Variants in TMPRSS15 observed in about 807,000 individuals in gnomAD.
TMPRSS15 encodes transmembrane serine protease 15, also known as enteropeptidase.
TMPRSS15 carries 128 observed loss-of-function variants against 125.3 expected under a neutral mutation model. The observed-to-expected ratio is 1.02, with a 90% CI of 0.89 to 1.18. TMPRSS15 has a LOEUF of 1.18. Among genes scored for constraint, TMPRSS15 ranks in the 50% most tolerant of loss-of-function variants. The pLI is 0.00. For missense variants in TMPRSS15, 1,283 were observed against 1,212.7 expected, an observed-to-expected ratio of 1.06 and a Z score of -0.86; for synonymous variants, 446 against 423.2, an observed-to-expected ratio of 1.05 and a Z score of -0.66.
chr21:18,388,357 A>G (rs1432324667), intron 3 of TMPRSS15, among the ~76,000 whole-genome samples: 2 of 152,204 alleles, frequency 1.3e-5, no homozygotes, highest in African/African-American at 4.8e-5. Context: ...TGATTTTGTC[A>G]TCTAGAGAAA....
intron 1 of TMPRSS15, among the ~76,000 whole-genome samples, chr21:18,433,232 A>G (rs2076220072): frequency 6.6e-6 from 1 of 152,184 alleles, no homozygotes; most frequent in African/African-American, 2.4e-5. Flanking sequence ...CAAAAGATGG[A>G]AAAGAATGGC....
At chr21:18,429,140 TG>T (rs2076210846) in intron 1 of TMPRSS15, among the ~76,000 whole-genome samples, 1 of 152,182 alleles carries the variant, frequency 6.6e-6, no homozygotes, top group Non-Finnish European at 1.5e-5. Flanking sequence ...CAGACTAGCA[TG>T]GGCCCCCTAA....
intron 3 of TMPRSS15, among the ~76,000 whole-genome samples, chr21:18,395,944 A>G (rs927297847): frequency 1.3e-5 from 2 of 152,186 alleles, no homozygotes; most frequent in Non-Finnish European, 2.9e-5. Context: ...GAGCTTGTAC[A>G]TTGTGCTTTC....
chr21:18,470,810 C>T (rs1416008312), intron 1 of TMPRSS15, among the ~76,000 whole-genome samples: 2 of 151,800 alleles, frequency 1.3e-5, no homozygotes, highest in African/African-American at 4.8e-5. Context: ...AACAAGAGAG[C>T]CTCAAAATAT....
chr21:18,410,781 A>T (rs1029699691), intron 1 of TMPRSS15, among the ~76,000 whole-genome samples: 1 of 152,128 alleles, frequency 6.6e-6, no homozygotes, highest in South Asian at 2.1e-4. Flanking sequence ...TTTAAGCTTC[A>T]GCTCCACTCA....
At chr21:18,302,039 C>T (rs975837877) in intron 18 of TMPRSS15, among the ~76,000 whole-genome samples, 1 of 152,196 alleles carries the variant, frequency 6.6e-6, no homozygotes, top group African/African-American at 2.4e-5. Context: ...TCTCTTTTGT[C>T]TCACTTCTCA....
chr21:18,337,515 T>C (rs2075403709), intron 13 of TMPRSS15, among the ~76,000 whole-genome samples: 1 of 152,198 alleles, frequency 6.6e-6, no homozygotes, highest in Non-Finnish European at 1.5e-5. Context: ...AATCCCCACA[T>C]TTAAATTCAT....
At chr21:18,293,889 T>G (rs1222744012) in intron 21 of TMPRSS15, among the ~76,000 whole-genome samples, 5 of 152,208 alleles carry the variant, frequency 3.3e-5, no homozygotes, top group African/African-American at 1.2e-4. Context: ...ACTGACAATT[T>G]GCTAGCAATA....
Position 18,275,473 on chromosome 21 carries a change from C to T in TMPRSS15, c.2765-137G>A, listed in dbSNP as rs1031072913. 4 of 1,055,774 alleles carry T rather than the reference C, an allele frequency of 3.8e-6. No homozygotes were observed. In the Admixed American group the frequency reaches 7.8e-5, roughly 20 times the overall value. The allele number at this position is 1,055,774 out of a possible 1,614,324, so 65.4% of individuals were successfully genotyped here. A position where few individuals can be genotyped will look rare whatever the true frequency, so the allele number is the denominator to read the frequency against. ...TGTGTATATATAATGGAACTAAATA[C>T]TAAACCTTGCACACTAAAGCACATA... On this transcript the variant is annotated intron_variant, in intron 23 of 24. Coordinates refer to ENST00000284885, the MANE Select transcript of TMPRSS15 (RefSeq NM_002772.3).
intron 1 of TMPRSS15, among the ~76,000 whole-genome samples, chr21:18,458,959 CTTGT>C (rs1978495412): frequency 6.6e-6 from 1 of 151,956 alleles, no homozygotes; most frequent in Non-Finnish European, 1.5e-5. Flanking sequence ...TATTATTTGT[CTTGT>C]TTCTTTGATA....
intron 7 of TMPRSS15, among the ~76,000 whole-genome samples, chr21:18,362,408 C>T (rs907523633): frequency 6.6e-6 from 1 of 152,050 alleles, no homozygotes. Flanking sequence ...GCATGAGGAG[C>T]CCCCTAGGAC....
intron 15 of TMPRSS15, among the ~76,000 whole-genome samples, chr21:18,328,385 G>A (rs916487435): frequency 2.0e-5 from 3 of 152,124 alleles, no homozygotes; most frequent in African/African-American, 4.8e-5. Context: ...TAAAAATTTT[G>A]TATAACACAA....
At chr21:18,450,126 T>C (rs1440188742) in intron 1 of TMPRSS15, among the ~76,000 whole-genome samples, 7 of 152,166 alleles carry the variant, frequency 4.6e-5, no homozygotes, top group Non-Finnish European at 1.0e-4. Context: ...ATATAGCTCA[T>C]TCAATGTACA....
chr21:18,388,552 C>T (rs1410823782), intron 3 of TMPRSS15, among the ~76,000 whole-genome samples: 3 of 152,128 alleles, frequency 2.0e-5, no homozygotes, highest in Non-Finnish European at 2.9e-5. Context: ...CTGCAATGGA[C>T]ACTGTGCTTT....
At chr21:18,436,713 C>G (rs1022464194) in intron 1 of TMPRSS15, among the ~76,000 whole-genome samples, 3 of 150,112 alleles carry the variant, frequency 2.0e-5, no homozygotes, top group Non-Finnish European at 4.4e-5. Context: ...GAATAAAATA[C>G]CTAGGAATCC....
At chr21:18,304,261 A>ATG (rs779499426) in intron 18 of TMPRSS15, among the ~76,000 whole-genome samples, 35 of 151,838 alleles carry the variant, frequency 2.3e-4, no homozygotes, top group Admixed American at 3.9e-4. Flanking sequence ...GTTGTTTGAT[A>ATG]TGTGTGTGTG....
chr21:18,354,361 T>G (rs1219955247), intron 8 of TMPRSS15, among the ~76,000 whole-genome samples: 3 of 151,816 alleles, frequency 2.0e-5, no homozygotes, highest in Non-Finnish European at 4.4e-5. Flanking sequence ...TAAGATTGTT[T>G]CTACAGCATT....
At chr21:18,459,730 C>A (rs1444170977) in intron 1 of TMPRSS15, among the ~76,000 whole-genome samples, 2 of 152,090 alleles carry the variant, frequency 1.3e-5, no homozygotes, top group Admixed American at 6.6e-5. Context: ...TCAAAGTATG[C>A]TGGTATTTTC....
chr21:18,400,936 G>T (rs1320628303), intron 1 of TMPRSS15, among the ~76,000 whole-genome samples: 1 of 151,984 alleles, frequency 6.6e-6, no homozygotes. Flanking sequence ...ACAAGCACTT[G>T]TCAAAAAAAG....
Sources: gnomAD v4.1 joint callset for allele counts (sites outside exome capture counted in the v4.1 genomes callset) on GRCh38, gnomAD v4.1.1 for gene constraint, MANE v1.5 for transcripts, NCBI Gene and HGNC (gene_info 2026-07-23, HGNC 2026-07-21) for gene names.